The following FA2H variants were observed in gnomAD, a reference collection of about 807,000 sequenced individuals.
FA2H encodes the protein fatty acid 2-hydroxylase, also known as fatty acid alpha-hydroxylase.
FA2H carries 22 observed loss-of-function variants against 44.9 expected under a neutral mutation model. The ratio of observed to expected loss-of-function variants is 0.49; its 90% CI spans 0.35 to 0.70. The LOEUF (loss-of-function observed/expected upper bound fraction) is 0.70. Among genes scored for constraint, FA2H ranks in the 30% least tolerant of loss-of-function variants. The probability of loss-of-function intolerance (pLI) is 0.01; values close to 1 mark genes in which losing one functional copy is unlikely to be tolerated. For synonymous variants in FA2H, 243 were observed against 213.2 expected, an observed-to-expected ratio of 1.14 and a Z score of -1.22; for missense variants, 501 against 504.9, an observed-to-expected ratio of 0.99 and a Z score of 0.07.
At position 74,774,562 on chromosome 16, in the gene FA2H, G is replaced by T; in HGVS notation, c.194C>A (p.Pro65Gln). ...CGCGTTGGCCGAGTGCCTGTGCGGC[G>T]GCCCGTCCAGGTCGGCGCTGATGTC... ...GQDISADLDG[P>Q]PHRHSANARR... The change falls in exon 1 of 7, where the codon CCG (proline) becomes CAG (glutamine). Residue 65 changes from proline to glutamine, a missense_variant. Transcript: ENST00000219368. 1 of 1,541,476 alleles carries T rather than the reference G, an allele frequency of 6.5e-7. No individual in the cohort carries two copies. The highest frequency in any genetic ancestry group is 8.7e-7 in the Non-Finnish European group (1 of 1,154,368).
chr16:74,747,724 C>T (rs566186908), intron 1 of FA2H, among the ~76,000 whole-genome samples: 1 of 152,232 alleles, frequency 6.6e-6, no homozygotes, highest in African/African-American at 2.4e-5. Context: ...GGAAGGACTG[C>T]CCCTCAATGT....
At position 74,716,365 on chromosome 16, in the gene FA2H, A is replaced by G. The variant is rs758924579; in HGVS notation, c.1021T>C (p.Phe341Leu). 2.5e-6 allele frequency: 4 copies of G among 1,613,938 alleles called. No individual in the cohort carries two copies. Among genetic ancestry groups the G allele is most frequent in the Non-Finnish European group, 3.4e-6 (4 of 1,179,948 alleles). ...SLKAHHVKHH[F>L]AHQKSGFGIS... ...TCCTCACCTGACTTCTGATGTGCAA[A>G]GTGGTGCTTGACGTGGTGGGCCTTC... is the stretch of plus-strand genomic sequence containing the variant. Residue 341 changes from phenylalanine (F) to leucine (L), a missense_variant, in exon 6 of 7, where the codon TTT becomes CTT. Physicochemically the swap from Phe to Leu is conservative, Grantham distance 22. Coordinates refer to ENST00000219368, the MANE Select transcript of FA2H (RefSeq NM_024306.5).
intron 1 of FA2H, among the ~76,000 whole-genome samples, chr16:74,772,936 C>T (rs1962934877): frequency 1.3e-5 from 2 of 151,890 alleles, no homozygotes; most frequent in Admixed American, 6.6e-5. Context: ...GGCTGGAGTG[C>T]AGTGGCATGA....
At chr16:74,733,660 G>C in intron 2 of FA2H, among the ~76,000 whole-genome samples, 2 of 152,222 alleles carry the variant, frequency 1.3e-5, no homozygotes, top group East Asian at 3.9e-4. Context: ...CAGTTGGCGG[G>C]ACCGGGTTTT....
At chr16:74,747,985 G>T (rs867123110) in intron 1 of FA2H, among the ~76,000 whole-genome samples, 1 of 152,202 alleles carries the variant, frequency 6.6e-6, no homozygotes, top group Admixed American at 6.5e-5. Flanking sequence ...GGAGCCAGGA[G>T]TCTGCCCCTC....
At position 74,736,865 on chromosome 16, in the gene FA2H, C is replaced by T. The variant is rs147007045; in HGVS notation, c.363+3158G>A. On this transcript the variant is annotated intron_variant, in intron 2 of 6. Transcript: ENST00000219368. ...CCAGGACCTTGTGGAGGGGAGGGGC[C>T]GCTATCTGGGCTGCTAGTGTGCCCA... Among the ~76,000 whole-genome samples, 356 of 152,230 alleles carry T rather than the reference C, an allele frequency of 2.3e-3. 2 individuals are homozygous for T. The highest frequency in any genetic ancestry group is 8.2e-3 in the African/African-American group (342 of 41,530).
intron 1 of FA2H, among the ~76,000 whole-genome samples, chr16:74,751,932 GC>G (rs1962532575): frequency 6.6e-6 from 1 of 152,084 alleles, no homozygotes; most frequent in Non-Finnish European, 1.5e-5. Flanking sequence ...CTCAAACCTG[GC>G]CCCGGTGAGC....
rs188746869 is a variant in FA2H at position 74,771,683 on chromosome 16, A to G, written c.270+2803T>C. 3.7e-3 allele frequency among the ~76,000 whole-genome samples: 567 copies of G among 152,130 alleles called. 5 individuals carry two copies. The highest frequency in any genetic ancestry group is 0.012 in the African/African-American group (505 of 41,462). On this transcript the variant is annotated intron_variant, in intron 1 of 6. Transcript: ENST00000219368. ...ATCTTCTTCTAAACCCTTCAGCATG[A>G]GCCGACACCAAACACCAACCTCTCA... is the stretch of plus-strand genomic sequence containing the variant.
At chr16:74,721,112 C>CT (rs1490696628) in intron 4 of FA2H, among the ~76,000 whole-genome samples, 5 of 152,050 alleles carry the variant, frequency 3.3e-5, no homozygotes, top group African/African-American at 1.2e-4. Context: ...TATCATAACT[C>CT]TATGTTTAAC....
chr16:74,754,015 A>G (rs1427182129), intron 1 of FA2H, among the ~76,000 whole-genome samples: 2 of 152,146 alleles, frequency 1.3e-5, no homozygotes, highest in Non-Finnish European at 2.9e-5. Context: ...TCTTGGAGTC[A>G]TTTTTCTTCA....
rs770624203 is a variant in FA2H, at chr16:74,727,260, G to C, written c.490C>G (p.Leu164Val). The change falls in exon 3 of 7, where the codon CTC becomes GTC. Residue 164 changes from leucine (L) to valine (V), a missense_variant. Physicochemically the swap from Leu to Val is conservative, Grantham distance 32. Coordinates refer to ENST00000219368, the MANE Select transcript of FA2H (RefSeq NM_024306.5). Reference sequence around the variant, plus strand: ...AGAGCTCACCAGACAGTCTTAGAGAGGCCCTCAATGAGGTCTGAGTGGAAG... The same window carrying C: ...AGAGCTCACCAGACAGTCTTAGAGACGCCCTCAATGAGGTCTGAGTGGAAG... The part of the protein sequence containing the change: ...RLFHSDLIEG[L>V]SKTVWYSVPI... 3 of 1,614,100 alleles carry C rather than the reference G, an allele frequency of 1.9e-6. No homozygotes were observed. Among genetic ancestry groups the C allele is most frequent in the South Asian group, 2.2e-5 (2 of 91,082 alleles).
chr16:74,762,728 C>T (rs952428567), intron 1 of FA2H, among the ~76,000 whole-genome samples: 2 of 152,112 alleles, frequency 1.3e-5, no homozygotes, highest in Admixed American at 1.3e-4. Context: ...TGGGGTTTCA[C>T]CATATTGGTC....
chr16:74,773,811 G>T (rs1013598251), intron 1 of FA2H, among the ~76,000 whole-genome samples: 2 of 152,212 alleles, frequency 1.3e-5, no homozygotes, highest in African/African-American at 4.8e-5. Context: ...CACACAGTCT[G>T]GTCCAAAGTG....
At chr16:74,752,560 A>G (rs1254760062) in intron 1 of FA2H, among the ~76,000 whole-genome samples, 2 of 152,130 alleles carry the variant, frequency 1.3e-5, no homozygotes, top group African/African-American at 4.8e-5. Flanking sequence ...TTTCTATTCT[A>G]TTGCATCACT....
intron 1 of FA2H, among the ~76,000 whole-genome samples, chr16:74,742,826 A>T (rs980272818): frequency 2.6e-5 from 4 of 152,152 alleles, no homozygotes; most frequent in African/African-American, 9.7e-5. Context: ...GCCACAGAGT[A>T]AGACCTTGTC....
At chr16:74,720,308 G>A (rs746007263) in intron 4 of FA2H, among the ~76,000 whole-genome samples, 5 of 141,202 alleles carry the variant, frequency 3.5e-5, no homozygotes, top group Non-Finnish European at 7.5e-5. Context: ...TGATTCTCCT[G>A]CCTCAGTCTC....
intron 1 of FA2H, among the ~76,000 whole-genome samples, chr16:74,755,489 T>C (rs560654183): frequency 6.6e-6 from 1 of 152,332 alleles, no homozygotes; most frequent in Non-Finnish European, 1.5e-5. Context: ...TGCTTTGTGA[T>C]GGCCAACATA....
intron 1 of FA2H, among the ~76,000 whole-genome samples, chr16:74,755,764 A>T (rs1434662079): frequency 6.6e-6 from 1 of 152,206 alleles, no homozygotes; most frequent in African/African-American, 2.4e-5. Flanking sequence ...AGGCTTGTGT[A>T]TACCAGCACT....
At chr16:74,739,169 G>C (rs1962241888) in intron 2 of FA2H, among the ~76,000 whole-genome samples, 1 of 152,148 alleles carries the variant, frequency 6.6e-6, no homozygotes. Flanking sequence ...GGTGGGGAGG[G>C]GTTACTGTCC....
Sources: gnomAD v4.1 joint callset for allele counts (sites outside exome capture counted in the v4.1 genomes callset) on GRCh38, gnomAD v4.1.1 for gene constraint, MANE v1.5 for transcripts, NCBI Gene and HGNC (gene_info 2026-07-23, HGNC 2026-07-21) for gene names.